NSFL1C: variants seen among roughly 807,000 people sequenced by gnomAD.
NSFL1C encodes the protein NSFL1 cofactor p47.
NSFL1C carries 14 observed loss-of-function variants against 43.1 expected under a neutral mutation model. The ratio of observed to expected loss-of-function variants is 0.32; its 90% CI spans 0.21 to 0.51. The LOEUF (loss-of-function observed/expected upper bound fraction) is 0.51, where lower values mean the gene tolerates loss of function less well. Ranked by LOEUF, NSFL1C falls within the 20% of genes least tolerant of loss-of-function variation. The pLI is 0.98. For missense variants in NSFL1C, 406 were observed against 472.5 expected (o/e 0.86, Z 1.30); for synonymous variants, 171 against 183.5 (o/e 0.93, Z 0.55).
Position 1,464,312 on chromosome 20 carries a change from T to A in NSFL1C, c.203+17A>T. 1 of 1,609,984 alleles carries A rather than the reference T, an allele frequency of 6.2e-7. No individual in the cohort carries two copies. Among genetic ancestry groups the A allele is most frequent in the Non-Finnish European group, 8.5e-7 (1 of 1,176,234 alleles). ...GCTGGAAACACTCATGTAGCGATAA[T>A]TGAAGCTGGCCCTTACCTGGGGGCT... On this transcript the variant is annotated intron_variant, in intron 2 of 8. Coordinates refer to ENST00000216879, the MANE Select transcript of NSFL1C (RefSeq NM_016143.5).
In NSFL1C at chr20:1,466,815, C is replaced by T; in HGVS notation, c.10G>A (p.Glu4Lys). The change falls in exon 1 of 9, where the codon GAG (glutamate) becomes AAG (lysine). Residue 4 changes from glutamate (E) to lysine (K), a missense_variant. Glu to Lys is a moderately conservative substitution (Grantham distance 56). Around this residue, in one of 3 missense-constraint regions of NSFL1C, gnomAD observed 203 missense variants for 216.3 expected, o/e 0.94. Coordinates refer to ENST00000216879, the MANE Select transcript of NSFL1C (RefSeq NM_016143.5). ...AACTCCCTCAGCGCCTCCTGTCGCT[C>T]CGCCGCCATCTTCGCCCCGTGCGCC... MAA[E>K]RQEALREFVA... is the part of the protein sequence containing the mutation. 1 of 1,542,946 alleles carries T rather than the reference C, an allele frequency of 6.5e-7. No individual in the cohort carries two copies.
At chr20:1,452,237 A>C (rs758672032) in intron 7 of NSFL1C, among the ~76,000 whole-genome samples, 13 of 152,218 alleles carry the variant, frequency 8.5e-5, no homozygotes, top group Non-Finnish European at 1.9e-4. Context: ...ATGGACTCTT[A>C]TTAGTACCAA....
At chr20:1,453,245 AACACACATAGAG>A in intron 5 of NSFL1C, 105 bp from the exon 6 acceptor site, 1 of 709,644 alleles carries the variant, frequency 1.4e-6, no homozygotes, top group Admixed American at 2.0e-5. Flanking sequence ...CTACTATTAA[AACACACATAGAG>A]ACACACATAT....
At chr20:1,445,620 CCAGAGGACA>C in intron 8 of NSFL1C, 37 bp downstream of exon 8, 1 of 1,600,064 alleles carries the variant, frequency 6.2e-7, no homozygotes, top group East Asian at 2.2e-5. Context: ...TGCGTGAGGC[CCAGAGGACA>C]CTCCTAGAAT....
At chr20:1,460,664 T>C (rs926160261) in intron 2 of NSFL1C, among the ~76,000 whole-genome samples, 1 of 152,216 alleles carries the variant, frequency 6.6e-6, no homozygotes, top group Non-Finnish European at 1.5e-5. Context: ...TCTGTGATGA[T>C]GGAAATGCTC....
At chr20:1,466,688 C>T (rs2090520809) in intron 1 of NSFL1C, 32 bp downstream of exon 1, 1 of 1,525,752 alleles carries the variant, frequency 6.6e-7, no homozygotes. Context: ...CAGTCCCCGG[C>T]CCACCCGACA....
intron 7 of NSFL1C, among the ~76,000 whole-genome samples, chr20:1,450,532 A>T (rs1407510200): frequency 6.6e-6 from 1 of 152,240 alleles, no homozygotes; most frequent in African/African-American, 2.4e-5. Flanking sequence ...TCTGAGATGC[A>T]GAGTTTCACA....
At chr20:1,445,049 A>G (rs1406062183) in intron 8 of NSFL1C, among the ~76,000 whole-genome samples, 1 of 152,230 alleles carries the variant, frequency 6.6e-6, no homozygotes, top group Non-Finnish European at 1.5e-5. Flanking sequence ...GAAAGGAGGC[A>G]CCAAATATAT....
intron 6 of NSFL1C, 64 bp downstream of exon 6, chr20:1,452,967 T>G: frequency 4.5e-6 from 4 of 888,838 alleles, no homozygotes; most frequent in Non-Finnish European, 7.7e-6. Flanking sequence ...ACATTCTGCC[T>G]CCTCCTTTCC....
chr20:1,464,294 A>G (rs747523741), intron 2 of NSFL1C, 35 bp downstream of exon 2: 104 of 1,577,886 alleles, frequency 6.6e-5, no homozygotes, highest in Non-Finnish European at 8.1e-5. Flanking sequence ...ACTGCTGGAA[A>G]CACTCATGTA....
chr20:1,452,294 T>C (rs1375231647), intron 7 of NSFL1C, among the ~76,000 whole-genome samples, 199 bp downstream of exon 7: 1 of 152,228 alleles, frequency 6.6e-6, no homozygotes, highest in Non-Finnish European at 1.5e-5. Flanking sequence ...GTCACACTGC[T>C]AGAAAGTGAA....
At chr20:1,448,616 G>A (rs2090121002) in intron 7 of NSFL1C, among the ~76,000 whole-genome samples, 1 of 152,158 alleles carries the variant, frequency 6.6e-6, no homozygotes, top group South Asian at 2.1e-4. Flanking sequence ...AGGCAGGGTG[G>A]CCTGATAAAC....
In NSFL1C at chr20:1,454,244, G is replaced by T. The variant is rs2090248617; in HGVS notation, c.506C>A (p.Ala169Glu). 1 of 1,612,956 alleles carries T rather than the reference G, an allele frequency of 6.2e-7. No homozygotes were observed. The highest frequency in any genetic ancestry group is 1.1e-5 in the South Asian group (1 of 91,028). Residue 169 changes from alanine to glutamate, a missense_variant, in exon 5 of 9, where the codon GCA (alanine) becomes GAA (glutamate). This residue lies in a region of NSFL1C where 7 missense variants were observed against 28.2 expected (regional missense o/e 0.25). Transcript: ENST00000216879. The stretch of plus-strand genomic sequence containing the variant: ...GCTGGAATGCTGCCTCTTTTCTCCT[G>T]CCACATAGGCAGACTCTTCCTCTGG... ...AAPEEESAYV[A>E]GEKRQHSSQD...
At chr20:1,450,097 C>T (rs1183437181) in intron 7 of NSFL1C, among the ~76,000 whole-genome samples, 1 of 152,184 alleles carries the variant, frequency 6.6e-6, no homozygotes, top group African/African-American at 2.4e-5. Flanking sequence ...TATTCATTCA[C>T]TTGAAGTATT....
chr20:1,442,962 T>C lies in NSFL1C; in HGVS notation c.*787A>G, dbSNP rs1047569847. On this transcript the variant is annotated 3_prime_UTR_variant, in exon 9 of 9. Coordinates refer to ENST00000216879, the MANE Select transcript of NSFL1C (RefSeq NM_016143.5). ...AGCTGTATCCTAGTGAAAAAAAATA[T>C]CCCACCTACCTCCTAGGTCCACTCA... 7.2e-5 allele frequency: 11 copies of C among 152,056 alleles called. No homozygotes were observed. Among genetic ancestry groups the C allele is most frequent in the African/African-American group, 2.4e-4 (10 of 41,378 alleles). The allele number at this position is 152,056 out of a possible 1,614,324, so 9.4% of individuals were successfully genotyped here.
chr20:1,464,200 C>G, intron 2 of NSFL1C, 129 bp downstream of exon 2: 2 of 729,552 alleles, frequency 2.7e-6, no homozygotes, highest in Admixed American at 4.2e-5. Flanking sequence ...GAAGTACTAC[C>G]CATTGACTCA....
intron 7 of NSFL1C, among the ~76,000 whole-genome samples, chr20:1,447,392 C>A (rs1394546393): frequency 6.6e-6 from 1 of 151,868 alleles, no homozygotes; most frequent in Non-Finnish European, 1.5e-5. Context: ...TGCAGCCCAA[C>A]ACAAATTTGT....
chr20:1,457,641 C>G (rs940548103), intron 3 of NSFL1C, among the ~76,000 whole-genome samples: 4 of 152,134 alleles, frequency 2.6e-5, no homozygotes, highest in African/African-American at 2.4e-5. Context: ...GTCGATTGTT[C>G]TAGATTGGAA....
In NSFL1C at chr20:1,466,778, G is replaced by T; in HGVS notation, c.47C>A (p.Thr16Lys). Residue 16 changes from threonine to lysine, a missense_variant, in exon 1 of 9, where the codon ACG becomes AAG. Thr to Lys is a moderately conservative substitution (Grantham distance 78, BLOSUM62 -1). Transcript: ENST00000216879. ...GCGGGCCCGGTCCTCCTCGGCGCCC[G>T]TCACCGCCACGAACTCCCTCAGCGC... ...QEALREFVAV[T>K]GAEEDRARFF... The T allele has an allele frequency of 6.4e-7, 1 of 1,561,208 alleles. No homozygotes were observed.
Sources: allele counts gnomAD v4.1 joint callset (sites outside exome capture counted in the v4.1 genomes callset), GRCh38; gene constraint gnomAD v4.1.1; regional missense constraint gnomAD v4.1.1; transcripts MANE v1.5; gene names NCBI Gene and HGNC (gene_info 2026-07-23, HGNC 2026-07-21).